Variants in DEFB131A observed in about 807,000 individuals in gnomAD.
DEFB131A encodes the protein beta-defensin 131A.
In DEFB131A, 5 loss-of-function variants were observed where a neutral mutation model predicts 2.4. The observed-to-expected ratio is 2.12, with a 90% CI of 1.11 to 4.47. The LOEUF is 4.47. DEFB131A is among the 30% of genes most tolerant of loss of function. The pLI is 0.00. For synonymous variants in DEFB131A, 34 were observed against 25.7 expected, an observed-to-expected ratio of 1.32 and a Z score of -0.97; for missense variants, 120 against 79.9, an observed-to-expected ratio of 1.50 and a Z score of -1.91.
At chr4:9,449,969 C>T (rs1201501454) in intron 1 of DEFB131A, among the ~76,000 whole-genome samples, 1 of 152,140 alleles carries the variant, frequency 6.6e-6, no homozygotes, top group African/African-American at 2.4e-5. Context: ...CTCTCTGATT[C>T]AAGGCCAACC....
Position 9,444,516 on chromosome 4 carries a change from T to A in DEFB131A, c.-18T>A. ...TCTCAGCTACTGATTCTCTCTAACC[T>A]GCTTTACCTATTCAACCATGAGGGT... On this transcript the variant is annotated 5_prime_UTR_variant, in exon 1 of 2. Coordinates refer to ENST00000334879, the MANE Select transcript of DEFB131A (RefSeq NM_001040448.3). 1 of 1,610,996 alleles carries A rather than the reference T, an allele frequency of 6.2e-7. No homozygotes were observed. Among genetic ancestry groups the A allele is most frequent in the Non-Finnish European group, 8.5e-7 (1 of 1,179,410 alleles).
chr4:9,446,688 T>C (rs1302061534), intron 1 of DEFB131A, among the ~76,000 whole-genome samples: 3 of 152,156 alleles, frequency 2.0e-5, no homozygotes, highest in African/African-American at 7.2e-5. Flanking sequence ...GTAGCTTGTT[T>C]ATAATATTAC....
chr4:9,449,232 C>T (rs189084415), intron 1 of DEFB131A, among the ~76,000 whole-genome samples: 199 of 148,646 alleles, frequency 1.3e-3, no homozygotes, highest in Middle Eastern at 3.4e-3. Flanking sequence ...AATTGGAAGA[C>T]ATGATAATAT....
intron 1 of DEFB131A, among the ~76,000 whole-genome samples, chr4:9,445,212 G>C (rs185820847): frequency 6.6e-6 from 1 of 152,054 alleles, no homozygotes; most frequent in African/African-American, 2.4e-5. Flanking sequence ...CTAGAAGAAG[G>C]GCTAGAGGTG....
At chr4:9,445,142 G>C (rs1717462734) in intron 1 of DEFB131A, among the ~76,000 whole-genome samples, 1 of 152,028 alleles carries the variant, frequency 6.6e-6, no homozygotes, top group Admixed American at 6.6e-5. Flanking sequence ...AAGATGGTGA[G>C]AGGATACACA....
intron 1 of DEFB131A, among the ~76,000 whole-genome samples, chr4:9,444,931 A>G (rs941441336): frequency 1.3e-5 from 2 of 151,764 alleles, no homozygotes; most frequent in African/African-American, 2.4e-5. Flanking sequence ...AAAATACAAA[A>G]AATTAATCAG....
chr4:9,444,508 C>T lies in DEFB131A; in HGVS notation c.-26C>T, dbSNP rs187463212. 2.5e-6 allele frequency: 4 copies of T among 1,610,160 alleles called. No individual in the cohort carries two copies. Among genetic ancestry groups the T allele is most frequent in the Admixed American group, 3.4e-5 (2 of 59,700 alleles). On this transcript the variant is annotated 5_prime_UTR_variant, in exon 1 of 2. Coordinates refer to ENST00000334879, the MANE Select transcript of DEFB131A (RefSeq NM_001040448.3). ...CCTCTTCATCTCAGCTACTGATTCT[C>T]TCTAACCTGCTTTACCTATTCAACC... is the stretch of plus-strand genomic sequence containing the variant.
intron 1 of DEFB131A, among the ~76,000 whole-genome samples, chr4:9,445,485 C>A (rs975408350): frequency 6.6e-6 from 1 of 151,878 alleles, no homozygotes; most frequent in Non-Finnish European, 1.5e-5. Flanking sequence ...CATCAATACC[C>A]CATAATAAAA....
chr4:9,450,623 A>G lies in DEFB131A; in HGVS notation c.*109A>G. On this transcript the variant is annotated 3_prime_UTR_variant, in exon 2 of 2. Transcript: ENST00000334879. Reference sequence around the variant, plus strand: ...TGAAAATTATTATAATTGCATGTTTAGATGGTCAGGTGAAAATGAATATAA... The same window carrying G: ...TGAAAATTATTATAATTGCATGTTTGGATGGTCAGGTGAAAATGAATATAA... 2 of 1,414,386 alleles carry G rather than the reference A, an allele frequency of 1.4e-6. No homozygotes were observed. Among genetic ancestry groups the G allele is most frequent in the Admixed American group, 4.7e-5 (2 of 42,666 alleles). 87.6% of individuals were successfully genotyped at this position (1,414,386 alleles called of 1,614,324 possible). A position where few individuals can be genotyped will look rare whatever the true frequency, so the allele number is the denominator to read the frequency against.
At position 9,449,906 on chromosome 4, in the gene DEFB131A, C is replaced by T. The variant is rs563661223; in HGVS notation, c.59-454C>T. 3.7e-4 allele frequency among the ~76,000 whole-genome samples: 57 copies of T among 152,222 alleles called. 1 individual carries two copies. Among genetic ancestry groups the T allele is most frequent in the African/African-American group, 1.3e-3 (55 of 41,562 alleles). On this transcript the variant is annotated intron_variant, in intron 1 of 1. Transcript: ENST00000334879. ...AAAGACAGCTTTTCCACTTTCCCAC[C>T]ACCATATCTCTTCATATAGTTTTAT...
chr4:9,445,728 A>G (rs1020128111), intron 1 of DEFB131A, among the ~76,000 whole-genome samples: 5 of 152,062 alleles, frequency 3.3e-5, no homozygotes, highest in Non-Finnish European at 5.9e-5. Context: ...TCATTGCCTT[A>G]AAGTGTTCTA....
In DEFB131A at chr4:9,448,334, A is replaced by G. The variant is rs141802740; in HGVS notation, c.59-2026A>G. Among the ~76,000 whole-genome samples, 1,013 of 152,174 alleles carry G rather than the reference A, an allele frequency of 6.7e-3. 1 individual carries two copies. Among genetic ancestry groups the G allele is most frequent in the Non-Finnish European group, 0.01 (713 of 67,926 alleles). On this transcript the variant is annotated intron_variant, in intron 1 of 1. Transcript: ENST00000334879. ...AAGAAAAAAAAAAGAACACTATCTTAAAACTCTCTACTTAGTAAAATTATC... is the reference window on the plus strand; with the variant it reads ...AAGAAAAAAAAAAGAACACTATCTTGAAACTCTCTACTTAGTAAAATTATC...
At chr4:9,445,840 T>A (rs1311903704) in intron 1 of DEFB131A, among the ~76,000 whole-genome samples, 1 of 152,160 alleles carries the variant, frequency 6.6e-6, no homozygotes, top group Non-Finnish European at 1.5e-5. Flanking sequence ...CTCCTCCCAG[T>A]CCCTAGCAAC....
At chr4:9,447,861 T>A (rs1236227016) in intron 1 of DEFB131A, among the ~76,000 whole-genome samples, 1 of 152,068 alleles carries the variant, frequency 6.6e-6, no homozygotes, top group Non-Finnish European at 1.5e-5. Flanking sequence ...AAGGAAAGAA[T>A]CAGTGAGCTT....
chr4:9,450,595 A>G lies in DEFB131A; in HGVS notation c.*81A>G. The G allele has an allele frequency of 6.7e-7, 1 of 1,501,454 alleles. No homozygotes were observed. Among genetic ancestry groups the G allele is most frequent in the Non-Finnish European group, 9.0e-7 (1 of 1,112,444 alleles). 93.0% of individuals were successfully genotyped at this position (1,501,454 alleles called of 1,614,324 possible). A position where few individuals can be genotyped will look rare whatever the true frequency, so the allele number is the denominator to read the frequency against. On this transcript the variant is annotated 3_prime_UTR_variant, in exon 2 of 2. Transcript: ENST00000334879. ...CTTATCTATGAATAATTAACATGAT[A>G]GATGAAAATTATTATAATTGCATGT...
At chr4:9,446,567 A>AT (rs1307910511) in intron 1 of DEFB131A, among the ~76,000 whole-genome samples, 2 of 151,916 alleles carry the variant, frequency 1.3e-5, no homozygotes, top group Admixed American at 1.3e-4. Context: ...AATTCTTTGC[A>AT]TTTTTTAAAT....
In DEFB131A at chr4:9,444,565, T is replaced by G. The variant is rs1360326630; in HGVS notation, c.32T>G (p.Leu11Arg). 1 of 1,611,066 alleles carries G rather than the reference T, an allele frequency of 6.2e-7. No individual in the cohort carries two copies. Among genetic ancestry groups the G allele is most frequent in the South Asian group, 1.1e-5 (1 of 90,918 alleles). ...GTCTTGTTTTTTGTCTTTGGAGTCC[T>G]TTCCTTGATGTTCACAGTTCCTCCA... is the stretch of plus-strand genomic sequence containing the variant. MRVLFFVFGV[L>R]SLMFTVPPAR... is the part of the protein sequence containing the mutation. The change falls in exon 1 of 2, where the codon CTT becomes CGT. Residue 11 changes from leucine (L) to arginine (R), a missense_variant. By Grantham distance (102) the Leu-to-Arg change is moderately radical (BLOSUM62 -2). Transcript: ENST00000334879.
chr4:9,450,230 T>C (rs758279608), intron 1 of DEFB131A, 130 bp from the exon 2 acceptor site: 112 of 1,117,466 alleles, frequency 1.0e-4, no homozygotes, highest in Non-Finnish European at 1.2e-4. Flanking sequence ...TTCTCTTGCA[T>C]TTTTTGCTGT....
At chr4:9,448,048 T>G (rs1717548027) in intron 1 of DEFB131A, among the ~76,000 whole-genome samples, 1 of 151,870 alleles carries the variant, frequency 6.6e-6, no homozygotes, top group Non-Finnish European at 1.5e-5. Flanking sequence ...CTGACTGAGA[T>G]TTTCCCGAAA....
Sources: allele counts gnomAD v4.1 joint callset (sites outside exome capture counted in the v4.1 genomes callset), GRCh38; gene constraint gnomAD v4.1.1; transcripts MANE v1.5; gene names NCBI Gene and HGNC (gene_info 2026-07-23, HGNC 2026-07-21).